The following UBAP2 variants were observed in gnomAD, a reference collection of about 807,000 sequenced individuals.
UBAP2 encodes the protein ubiquitin-associated protein 2.
UBAP2 carries 75 observed loss-of-function variants against 139.6 expected under a neutral mutation model. That is an observed-to-expected ratio of 0.54 (90% confidence interval 0.45 to 0.65). UBAP2 has a LOEUF of 0.65. Among genes scored for constraint, UBAP2 ranks in the 30% least tolerant of loss-of-function variants. The pLI is 0.00. For missense variants in UBAP2, 1,368 were observed against 1,369.6 expected (o/e 1.00, Z 0.02); for synonymous variants, 526 against 526.2 (o/e 1.00, Z 0.01).
chr9:34,025,625 T>TA (rs1239213054), intron 1 of UBAP2, among the ~76,000 whole-genome samples: 6 of 152,290 alleles, frequency 3.9e-5, no homozygotes, highest in African/African-American at 1.4e-4. Context: ...TGTCTAAATG[T>TA]AATGAGGAAA....
At chr9:33,942,460 G>GC (rs1330734942) in intron 15 of UBAP2, among the ~76,000 whole-genome samples, 1 of 152,144 alleles carries the variant, frequency 6.6e-6, no homozygotes, top group Non-Finnish European at 1.5e-5. Context: ...CAGGCCGGTG[G>GC]CTCATGCCTG....
intron 1 of UBAP2, among the ~76,000 whole-genome samples, chr9:34,040,824 T>A (rs998962910): frequency 4.6e-5 from 7 of 152,248 alleles, no homozygotes; most frequent in Non-Finnish European, 1.5e-5. Flanking sequence ...AAATTCATTA[T>A]GTACCATCCT....
In UBAP2 at chr9:33,922,822, C is replaced by G. The variant is rs188768044; in HGVS notation, c.3129G>C (p.Ser1043=). 2 of 1,573,506 alleles carry G rather than the reference C, an allele frequency of 1.3e-6. No homozygotes were observed. The highest frequency in any genetic ancestry group is 1.8e-5 in the Admixed American group (1 of 56,260). Residue 1043 remains serine (S), a synonymous_variant, in exon 28 of 29, where the codon TCG becomes TCC. Coordinates refer to ENST00000379238, the MANE Select transcript of UBAP2 (RefSeq NM_001370062.2). ...CCAGGGGCCCAGTGGAGCCCAAGAC[C>G]GAGGGCAGGCTGAAAGGTGGAGGCG... ...AGTPPPFSLP[S]VLGSTGPLAS...
At chr9:34,027,786 G>A (rs1564069960) in intron 1 of UBAP2, among the ~76,000 whole-genome samples, 1 of 151,426 alleles carries the variant, frequency 6.6e-6, no homozygotes, top group Non-Finnish European at 1.5e-5. Context: ...GTGTGAACCT[G>A]GGAGGCAAGA....
chr9:33,928,588 C>T (rs1823690069), intron 19 of UBAP2: 1 of 152,358 alleles, frequency 6.6e-6, no homozygotes, highest in African/African-American at 2.4e-5. Flanking sequence ...TGGCCTGCCA[C>T]TTATGCCTGT....
intron 1 of UBAP2, among the ~76,000 whole-genome samples, chr9:34,021,305 A>G (rs755975591): frequency 3.9e-5 from 6 of 152,208 alleles, no homozygotes; most frequent in Non-Finnish European, 7.3e-5. Flanking sequence ...TGCCTTTTAC[A>G]TTATAGTAAC....
chr9:34,000,275 T>A (rs1822591768), intron 2 of UBAP2, among the ~76,000 whole-genome samples: 1 of 152,136 alleles, frequency 6.6e-6, no homozygotes, highest in South Asian at 2.1e-4. Context: ...CCACCACATC[T>A]GGCTATTTGC....
Position 34,045,226 on chromosome 9 carries a change from G to T in UBAP2, c.-42+3599C>A, listed in dbSNP as rs752939412. 6.3e-4 allele frequency among the ~76,000 whole-genome samples: 96 copies of T among 151,284 alleles called. 1 individual carries two copies. Among genetic ancestry groups the T allele is most frequent in the Non-Finnish European group, 1.5e-4 (10 of 67,810 alleles). On this transcript the variant is annotated intron_variant, in intron 1 of 28. Transcript: ENST00000379238. ...CCGGGCGTGGCGGCAGGCGCCAGTAGTCCCAGGTACTCGGGAGGCTGAGGC... is the reference window on the plus strand; with the variant it reads ...CCGGGCGTGGCGGCAGGCGCCAGTATTCCCAGGTACTCGGGAGGCTGAGGC...
At chr9:34,004,156 C>A (rs186453978) in intron 2 of UBAP2, among the ~76,000 whole-genome samples, 1 of 152,168 alleles carries the variant, frequency 6.6e-6, no homozygotes, top group Admixed American at 6.5e-5. Flanking sequence ...ATATACTCAA[C>A]GAGCAGTAAA....
At position 33,924,010 on chromosome 9, in the gene UBAP2, A is replaced by G. The variant is rs1823190732; in HGVS notation, c.2591-10T>C. ...AACTTTGTGACATCACCTAGGAAAG[A>G]GCACTGACTCCAGCCACTGCCCTTC... On this transcript the variant is annotated splice_polypyrimidine_tract_variant and intron_variant, in intron 23 of 28. Transcript: ENST00000379238. 1 of 1,613,132 alleles carries G rather than the reference A, an allele frequency of 6.2e-7. No individual in the cohort carries two copies. The highest frequency in any genetic ancestry group is 8.5e-7 in the Non-Finnish European group (1 of 1,179,960).
At chr9:33,990,138 G>A (rs1382083168) in intron 4 of UBAP2, among the ~76,000 whole-genome samples, 1 of 152,052 alleles carries the variant, frequency 6.6e-6, no homozygotes, top group African/African-American at 2.4e-5. Flanking sequence ...TTATCAAGCA[G>A]GGTAGTTACA....
chr9:33,955,682 T>C (rs7851792), intron 11 of UBAP2, among the ~76,000 whole-genome samples: 60,126 of 150,568 alleles, frequency 0.4, 12,285 homozygotes, highest in South Asian at 0.48. Flanking sequence ...CAAAATTAGC[T>C]GGGCGTGGGG....
chr9:34,006,355 T>C (rs1823216995), intron 2 of UBAP2, among the ~76,000 whole-genome samples: 1 of 151,860 alleles, frequency 6.6e-6, no homozygotes, highest in East Asian at 1.9e-4. Flanking sequence ...AACAAACTTG[T>C]CAAGAGCAAT....
At chr9:33,932,725 T>C (rs1347442335) in intron 18 of UBAP2, 97 bp from the exon 19 acceptor site, 5 of 1,307,978 alleles carry the variant, frequency 3.8e-6, no homozygotes, top group Non-Finnish European at 4.3e-6. Context: ...AAACTTATCA[T>C]AGTCCCTAGC....
At chr9:33,980,229 T>C (rs1054269926) in intron 6 of UBAP2, among the ~76,000 whole-genome samples, 1 of 80,894 alleles carries the variant, frequency 1.2e-5, no homozygotes, top group African/African-American at 5.0e-5. Context: ...TCTTTTTTTT[T>C]TTTTTTTTTT....
intron 17 of UBAP2, 152 bp downstream of exon 17, chr9:33,935,687 C>G: frequency 1.2e-6 from 1 of 811,352 alleles, no homozygotes; most frequent in Non-Finnish European, 2.1e-6. Context: ...AACACCACAG[C>G]CAACACCTGG....
At chr9:33,935,164 G>T (rs980538921) in intron 17 of UBAP2, among the ~76,000 whole-genome samples, 6 of 7,442 alleles carry the variant, frequency 8.1e-4, no homozygotes, top group Admixed American at 1.8e-3. Flanking sequence ...TGGAAGTGGC[G>T]GGGGGGGGGG....
intron 2 of UBAP2, chr9:34,011,483 A>C (rs1428371259): frequency 9.8e-6 from 3 of 307,410 alleles, no homozygotes; most frequent in African/African-American, 6.8e-5. Flanking sequence ...ATTTATGAAA[A>C]TAAATTTTAA....
chr9:33,923,414 T>G lies in UBAP2; in HGVS notation c.2861A>C (p.Gln954Pro). The change falls in exon 25 of 29, where the codon CAG becomes CCG. Residue 954 changes from glutamine (Q) to proline (P), a missense_variant. Transcript: ENST00000379238. ...GCCGTGCTGGCCATAACCACTGGCC[T>G]GCTGGAAGGGAGGTGTGGGAGTGCT... The part of the protein sequence containing the change: ...NLSTPTPPFQ[Q>P]ASGYGQHGYS... The G allele has an allele frequency of 1.9e-6, 3 of 1,614,166 alleles. No homozygotes were observed. Among genetic ancestry groups the G allele is most frequent in the African/African-American group, 1.3e-5 (1 of 75,050 alleles).
Sources: gnomAD v4.1 joint callset for allele counts (sites outside exome capture counted in the v4.1 genomes callset) on GRCh38, gnomAD v4.1.1 for gene constraint, MANE v1.5 for transcripts, NCBI Gene and HGNC (gene_info 2026-07-23, HGNC 2026-07-21) for gene names.